The following NFIX variants were observed in gnomAD, a reference collection of about 807,000 sequenced individuals.
The protein encoded by NFIX is nuclear factor I X, also known as nuclear factor 1 X-type.
In NFIX, 2 loss-of-function variants were observed where a neutral mutation model predicts 53.3. The ratio of observed to expected loss-of-function variants is 0.04; its 90% CI spans 0.02 to 0.12. The LOEUF (loss-of-function observed/expected upper bound fraction) is 0.12. Among genes scored for constraint, NFIX ranks in the 10% least tolerant of loss-of-function variants. The probability of loss-of-function intolerance (pLI) is 1.00; values close to 1 mark genes in which losing one functional copy is unlikely to be tolerated. For synonymous variants in NFIX, 244 were observed against 289.0 expected (o/e 0.84, Z 1.58); for missense variants, 310 against 674.5 (o/e 0.46, Z 5.99).
At chr19:13,024,421 A>G (rs894129817) in intron 1 of NFIX, 42 of 961,656 alleles carry the variant, frequency 4.4e-5, no homozygotes, top group Non-Finnish European at 4.9e-5. Context: ...AGAAAAGAAA[A>G]TGAAAACAGC....
chr19:13,019,940 C>CT (rs111429504), intron 1 of NFIX, among the ~76,000 whole-genome samples: 15,870 of 148,102 alleles, frequency 0.11, 1,869 homozygotes, highest in African/African-American at 0.29. Flanking sequence ...CCCCCCTTGT[C>CT]TTTTTTTTTT....
At chr19:13,075,430 C>A in intron 5 of NFIX, 105 bp from the exon 6 acceptor site, 1 of 1,300,688 alleles carries the variant, frequency 7.7e-7, no homozygotes, top group African/African-American at 1.5e-5. Context: ...GCACCACTCC[C>A]CACCCAGAGG....
intron 1 of NFIX, among the ~76,000 whole-genome samples, chr19:13,015,059 T>C (rs1369355769): frequency 1.3e-5 from 2 of 152,196 alleles, no homozygotes; most frequent in African/African-American, 4.8e-5. Context: ...TGAAGTGCCT[T>C]TGAGGTGCAA....
chr19:13,078,473 GC>G lies in NFIX; in HGVS notation c.956-139del, dbSNP rs1381818212. The G allele has an allele frequency of 8.9e-7, 1 of 1,117,618 alleles. No individual in the cohort carries two copies. The highest frequency in any genetic ancestry group is 2.6e-5 in the East Asian group (1 of 38,354). 69.2% of individuals were successfully genotyped at this position (1,117,618 alleles called of 1,614,324 possible). A position where few individuals can be genotyped will look rare whatever the true frequency, so the allele number is the denominator to read the frequency against. ...AACAAGGCCTGGGACTGGGCAAGGA[GC>G]AGCAGGAGGGAGCACAGTGGAGGAA... On this transcript the variant is annotated intron_variant, in intron 6 of 10. Transcript: ENST00000592199. This position sits in a 1 kb window ranked among gnomAD's most constrained non-coding sequence, Gnocchi z 4.7.
At chr19:13,034,282 CAG>C (rs1213095493) in intron 2 of NFIX, among the ~76,000 whole-genome samples, 6 of 152,200 alleles carry the variant, frequency 3.9e-5, no homozygotes, top group Admixed American at 3.9e-4. Context: ...GGGGTGGAAA[CAG>C]AGAATGGGCA....
Position 13,049,149 on chromosome 19 carries a change from A to T in NFIX, c.559+23597A>T, listed in dbSNP as rs2015173163. On this transcript the variant is annotated intron_variant, in intron 2 of 10. Transcript: ENST00000592199. This position sits in a 1 kb window ranked among gnomAD's most constrained non-coding sequence, Gnocchi z 4.5. ...GCATTTGTAATCCTAGCTACTTGGGAGGCTGAGGCAGGAGGATTGCTTGAA... is the reference window on the plus strand; with the variant it reads ...GCATTTGTAATCCTAGCTACTTGGGTGGCTGAGGCAGGAGGATTGCTTGAA... Among the ~76,000 whole-genome samples the T allele has an allele frequency of 6.6e-6, 1 of 152,142 alleles. No individual in the cohort carries two copies. Among genetic ancestry groups the T allele is most frequent in the Non-Finnish European group, 1.5e-5 (1 of 68,008 alleles).
intron 8 of NFIX, 149 bp from the exon 9 acceptor site, chr19:13,087,840 C>A: frequency 1.4e-6 from 1 of 718,390 alleles, no homozygotes; most frequent in Non-Finnish European, 2.2e-6. Flanking sequence ...TACACCCTCA[C>A]CCATCCTGTG....
In NFIX at chr19:13,025,233, C is replaced by A; in HGVS notation, c.240C>A (p.Arg80=). ...KWASRLLAKL[R]KDIRPEFRED... is the part of the protein sequence containing the mutation. ...CATCCCGGCTGCTGGCCAAGCTGCG[C>A]AAGGACATCCGGCCCGAGTTCCGCG... The change falls in exon 2 of 11, where the codon CGC becomes CGA. Residue 80 remains arginine (R), a synonymous_variant. Coordinates refer to ENST00000592199, the MANE Select transcript of NFIX (RefSeq NM_001365902.3). This position sits in a 1 kb window ranked among gnomAD's most constrained non-coding sequence, Gnocchi z 7.5. 1 of 1,614,150 alleles carries A rather than the reference C, an allele frequency of 6.2e-7. No individual in the cohort carries two copies. The highest frequency in any genetic ancestry group is 8.5e-7 in the Non-Finnish European group (1 of 1,179,990).
chr19:13,075,294 G>A (rs1005952179), intron 5 of NFIX, among the ~76,000 whole-genome samples: 9 of 152,116 alleles, frequency 5.9e-5, no homozygotes, highest in Non-Finnish European at 8.8e-5. Context: ...TTGGAGGACC[G>A]TGGCATCACA....
At chr19:13,007,692 G>A (rs1335530300) in intron 1 of NFIX, among the ~76,000 whole-genome samples, 2 of 152,220 alleles carry the variant, frequency 1.3e-5, no homozygotes, top group South Asian at 4.1e-4. Context: ...CGGAGGAACC[G>A]GTTTAATGCC....
At chr19:13,050,876 C>G (rs976283473) in intron 2 of NFIX, among the ~76,000 whole-genome samples, 1 of 152,208 alleles carries the variant, frequency 6.6e-6, no homozygotes, top group Non-Finnish European at 1.5e-5. Flanking sequence ...TGGCTCTTTC[C>G]CTTCACTCCT....
Position 13,072,061 on chromosome 19 carries a change from G to T in NFIX, c.560-986G>T, listed in dbSNP as rs1032142096. Among the ~76,000 whole-genome samples the T allele has an allele frequency of 1.3e-5, 2 of 152,198 alleles. No homozygotes were observed. The highest frequency in any genetic ancestry group is 4.8e-5 in the African/African-American group (2 of 41,446). On this transcript the variant is annotated intron_variant, in intron 2 of 10. Coordinates refer to ENST00000592199, the MANE Select transcript of NFIX (RefSeq NM_001365902.3). The surrounding 1 kb of genome is among the most constrained non-coding windows in gnomAD (Gnocchi z 4.0). Reference sequence around the variant, plus strand: ...CGTTTTTCAGATGCCACCCCCATGTGGTCCCCCTGTGAGCAGCTGATTCTT... The same window carrying T: ...CGTTTTTCAGATGCCACCCCCATGTTGTCCCCCTGTGAGCAGCTGATTCTT...
chr19:13,001,290 G>A lies in NFIX; in HGVS notation c.27+5426G>A, dbSNP rs1475197402. 1.3e-5 allele frequency among the ~76,000 whole-genome samples: 2 copies of A among 152,120 alleles called. No homozygotes were observed. The highest frequency in any genetic ancestry group is 3.2e-3 in the Middle Eastern group (1 of 316). ...CTGTGTGGCAGCGTGTGTCTGCCCG[G>A]GTCCCTCTCCATGCCTCTCCATGTC... On this transcript the variant is annotated intron_variant, in intron 1 of 10. Coordinates refer to ENST00000592199, the MANE Select transcript of NFIX (RefSeq NM_001365902.3). The surrounding 1 kb of genome is among the most constrained non-coding windows in gnomAD (Gnocchi z 6.5).
chr19:13,053,493 A>G (rs2015453376), intron 2 of NFIX, among the ~76,000 whole-genome samples: 1 of 152,126 alleles, frequency 6.6e-6, no homozygotes, highest in African/African-American at 2.4e-5. Flanking sequence ...CCTGGAGGCG[A>G]GGATAACTAT....
At chr19:13,010,835 G>T (rs2012300841) in intron 1 of NFIX, among the ~76,000 whole-genome samples, 1 of 152,200 alleles carries the variant, frequency 6.6e-6, no homozygotes, top group African/African-American at 2.4e-5. Context: ...TGTTGCGGGA[G>T]CCGGCAGGGA....
rs112282392 is a variant in NFIX at position 13,032,411 on chromosome 19, G to A, written c.559+6859G>A. 3.9e-3 allele frequency among the ~76,000 whole-genome samples: 601 copies of A among 152,332 alleles called. 4 individuals carry two copies. The highest frequency in any genetic ancestry group is 0.014 in the African/African-American group (571 of 41,558). On this transcript the variant is annotated intron_variant, in intron 2 of 10. Coordinates refer to ENST00000592199, the MANE Select transcript of NFIX (RefSeq NM_001365902.3). ...GGCCTAAGGGCAGCCCTGCCTGTTG[G>A]GTAGAGGAAAGGTCTGAGGTGTCTG...
At position 13,005,644 on chromosome 19, in the gene NFIX, G is replaced by A. The variant is rs1360790094; in HGVS notation, c.27+9780G>A. Among the ~76,000 whole-genome samples, 1 of 152,204 alleles carries A rather than the reference G, an allele frequency of 6.6e-6. No individual in the cohort carries two copies. The highest frequency in any genetic ancestry group is 1.5e-5 in the Non-Finnish European group (1 of 68,034). ...CCAGTGCTAGGGTCAAGGGCGGGGA[G>A]CTCTTTCTTCAAGATCGTCACCACC... On this transcript the variant is annotated intron_variant, in intron 1 of 10. Coordinates refer to ENST00000592199, the MANE Select transcript of NFIX (RefSeq NM_001365902.3). The surrounding 1 kb of genome is among the most constrained non-coding windows in gnomAD (Gnocchi z 4.7).
intron 2 of NFIX, among the ~76,000 whole-genome samples, chr19:13,048,731 G>T (rs115026974): frequency 0.013 from 1,904 of 150,920 alleles, 29 homozygotes; most frequent in African/African-American, 0.044. Flanking sequence ...GCAGTACTTG[G>T]ATTTGTATTT....
chr19:13,073,063 T>G lies in NFIX; in HGVS notation c.576T>G (p.Asp192Glu), dbSNP rs775250571. Reference sequence around the variant, plus strand: ...CTCCTGCAGAATCCGGACAATCAGATAGTTCAAACCAGCAAGGAGATGCGG... The same window carrying G: ...CTCCTGCAGAATCCGGACAATCAGAGAGTTCAAACCAGCAAGGAGATGCGG... ...FVHTPESGQSDSSNQQGDADI... is the reference protein window; with the variant it reads ...FVHTPESGQSESSNQQGDADI... The change falls in exon 3 of 11, where the codon GAT becomes GAG. Residue 192 changes from aspartate (D) to glutamate (E), a missense_variant. Coordinates refer to ENST00000592199, the MANE Select transcript of NFIX (RefSeq NM_001365902.3). This position sits in a 1 kb window ranked among gnomAD's most constrained non-coding sequence, Gnocchi z 4.5. 2.5e-6 allele frequency: 4 copies of G among 1,613,962 alleles called. No homozygotes were observed. The East Asian group carries it at 8.9e-5, about 36-fold the overall frequency.
Sources: allele counts gnomAD v4.1 joint callset (sites outside exome capture counted in the v4.1 genomes callset), GRCh38; gene constraint gnomAD v4.1.1; non-coding constraint Gnocchi (gnomAD v3.1); transcripts MANE v1.5; gene names NCBI Gene and HGNC (gene_info 2026-07-23, HGNC 2026-07-21).